The following PCLO variants were observed in gnomAD, a reference collection of about 807,000 sequenced individuals.
PCLO encodes the protein protein piccolo.
A neutral mutation model predicts 427.5 loss-of-function variants in PCLO; 82 were observed. The observed-to-expected ratio is 0.19, with a 90% CI of 0.16 to 0.23. The LOEUF (loss-of-function observed/expected upper bound fraction) is 0.23, where lower values mean the gene tolerates loss of function less well. Ranked by LOEUF, PCLO falls within the 10% of genes least tolerant of loss-of-function variation. The probability of loss-of-function intolerance (pLI) is 1.00; values close to 1 mark genes in which losing one functional copy is unlikely to be tolerated. For synonymous variants in PCLO, 2,357 were observed against 2,155.4 expected (o/e 1.09, Z -2.59); for missense variants, 6,239 against 6,115.9 (o/e 1.02, Z -0.67).
intron 7 of PCLO, among the ~76,000 whole-genome samples, chr7:82,912,553 T>C (rs1172396833): frequency 6.6e-6 from 1 of 152,016 alleles, no homozygotes; most frequent in Non-Finnish European, 1.5e-5. Flanking sequence ...TCTGCTTAAT[T>C]TTAAAATATA....
At chr7:82,890,779 T>C (rs1399217826) in intron 9 of PCLO, among the ~76,000 whole-genome samples, 2 of 151,934 alleles carry the variant, frequency 1.3e-5, no homozygotes, top group African/African-American at 4.8e-5. Context: ...TATTTTAGGC[T>C]TGTAGATTTT....
intron 3 of PCLO, among the ~76,000 whole-genome samples, chr7:83,103,804 T>C (rs1038298463): frequency 3.9e-5 from 6 of 151,986 alleles, no homozygotes; most frequent in African/African-American, 1.2e-4. Context: ...CATTATTTAT[T>C]ATGTAGTTAC....
At chr7:82,852,428 A>G (rs1311964162) in intron 10 of PCLO, among the ~76,000 whole-genome samples, 6 of 152,260 alleles carry the variant, frequency 3.9e-5, no homozygotes, top group South Asian at 2.1e-4. Context: ...AAGAAGCTGG[A>G]AAGAGCCGAC....
chr7:82,758,443 A>G lies in PCLO; in HGVS notation c.*132T>C. The G allele has an allele frequency of 1.6e-6, 1 of 638,960 alleles. No individual in the cohort carries two copies. The highest frequency in any genetic ancestry group is 2.6e-6 in the Non-Finnish European group (1 of 380,972). 39.6% of individuals were successfully genotyped at this position (638,960 alleles called of 1,614,324 possible). A position where few individuals can be genotyped will look rare whatever the true frequency, so the allele number is the denominator to read the frequency against. Reference sequence around the variant, plus strand: ...ACAACAATAAATGTACAAGGTCTTAAGTATGTTTTTGCTTGTTGTTCCCAC... The same window carrying G: ...ACAACAATAAATGTACAAGGTCTTAGGTATGTTTTTGCTTGTTGTTCCCAC... On this transcript the variant is annotated 3_prime_UTR_variant, in exon 25 of 25. Transcript: ENST00000333891.
At chr7:83,112,338 G>T (rs1562969603) in intron 3 of PCLO, among the ~76,000 whole-genome samples, 1 of 152,160 alleles carries the variant, frequency 6.6e-6, no homozygotes, top group African/African-American at 2.4e-5. Context: ...TTACAGGCGT[G>T]AGCCACTGCG....
chr7:82,972,986 G>C (rs377379533), intron 3 of PCLO, among the ~76,000 whole-genome samples: 1 of 151,812 alleles, frequency 6.6e-6, no homozygotes, highest in African/African-American at 2.4e-5. Flanking sequence ...TCAGATCCAC[G>C]CATTTTTACA....
intron 3 of PCLO, among the ~76,000 whole-genome samples, chr7:83,057,333 TATATATATATATA>T: frequency 1.0e-4 from 2 of 19,986 alleles, no homozygotes; most frequent in Non-Finnish European, 2.2e-4. Flanking sequence ...TATATATATA[TATATATATATATA>T]TATTTTTTTT....
At chr7:83,045,353 T>C (rs1183989730) in intron 3 of PCLO, among the ~76,000 whole-genome samples, 3 of 152,154 alleles carry the variant, frequency 2.0e-5, no homozygotes, top group Non-Finnish European at 4.4e-5. Context: ...TGCAATGCTA[T>C]TGCCTGAAAT....
chr7:83,087,221 TAAAAA>T (rs34272716), intron 3 of PCLO, among the ~76,000 whole-genome samples: 1 of 146,104 alleles, frequency 6.8e-6, no homozygotes, highest in African/African-American at 2.5e-5. Context: ...TAAAGCATAA[TAAAAA>T]AAAAAAAAGT....
At chr7:83,146,003 T>C (rs1791985348) in intron 2 of PCLO, among the ~76,000 whole-genome samples, 1 of 152,170 alleles carries the variant, frequency 6.6e-6, no homozygotes, top group Admixed American at 6.5e-5. Context: ...ATTTTCTTAA[T>C]CTCTTTACCC....
chr7:83,067,515 C>T (rs1299267988), intron 3 of PCLO, among the ~76,000 whole-genome samples: 2 of 151,962 alleles, frequency 1.3e-5, no homozygotes, highest in Non-Finnish European at 2.9e-5. Context: ...ACAAAGAGTA[C>T]AGTAGCAAGA....
chr7:83,046,334 T>C (rs1789103159), intron 3 of PCLO, among the ~76,000 whole-genome samples: 1 of 152,108 alleles, frequency 6.6e-6, no homozygotes, highest in South Asian at 2.1e-4. Context: ...TGGCAAGTCC[T>C]AAAATGAATA....
intron 16 of PCLO, 43 bp downstream of exon 16, chr7:82,835,624 G>A (rs2115742431): frequency 2.6e-6 from 4 of 1,551,340 alleles, no homozygotes; most frequent in Non-Finnish European, 3.5e-6. Flanking sequence ...TATAATTCAA[G>A]ACATAGCAGC....
intron 3 of PCLO, among the ~76,000 whole-genome samples, chr7:83,104,131 T>TTATTA (rs1314452923): frequency 9.2e-6 from 1 of 108,968 alleles, no homozygotes; most frequent in African/African-American, 3.5e-5. Context: ...GAACAACATT[T>TTATTA]TCTTAATTTA....
At chr7:82,946,981 T>G (rs1341083184) in intron 6 of PCLO, among the ~76,000 whole-genome samples, 2 of 152,196 alleles carry the variant, frequency 1.3e-5, no homozygotes, top group Admixed American at 6.5e-5. Context: ...CCAAACTTTG[T>G]AAGGCAGCAG....
intron 3 of PCLO, among the ~76,000 whole-genome samples, chr7:82,998,691 A>G (rs747020069): frequency 8.6e-5 from 13 of 151,950 alleles, no homozygotes; most frequent in Non-Finnish European, 1.9e-4. Context: ...TCTCTGCCCC[A>G]CACCTTACCA....
At position 82,954,801 on chromosome 7, in the gene PCLO, G is replaced by C. The variant is rs1795466806; in HGVS notation, c.6152C>G (p.Ser2051Cys). Residue 2051 changes from serine to cysteine, a missense_variant, in exon 5 of 25, where the codon TCT becomes TGT. Coordinates refer to ENST00000333891, the MANE Select transcript of PCLO (RefSeq NM_033026.6). Reference protein sequence around the residue: ...EIVDLGTMVTSTEEERKLLDA... With the variant: ...EIVDLGTMVTCTEEERKLLDA... ...TAGTAGTTTCCTTTCTTCTTCTGTAGAAGTTACCATAGTACCCAGGTCCAC... is the reference window on the plus strand; with the variant it reads ...TAGTAGTTTCCTTTCTTCTTCTGTACAAGTTACCATAGTACCCAGGTCCAC... 3 of 1,613,656 alleles carry C rather than the reference G, an allele frequency of 1.9e-6. No individual in the cohort carries two copies. Among genetic ancestry groups the C allele is most frequent in the Non-Finnish European group, 1.7e-6 (2 of 1,179,822 alleles).
intron 3 of PCLO, among the ~76,000 whole-genome samples, chr7:83,045,412 T>C (rs1188835086): frequency 4.6e-5 from 7 of 152,178 alleles, no homozygotes; most frequent in African/African-American, 1.7e-4. Flanking sequence ...TCATTCTTTA[T>C]GACCCAGCTA....
At chr7:83,076,416 C>A (rs1789953369) in intron 3 of PCLO, among the ~76,000 whole-genome samples, 1 of 151,940 alleles carries the variant, frequency 6.6e-6, no homozygotes, top group Non-Finnish European at 1.5e-5. Context: ...GTGCCTGCCA[C>A]CACACCCAGC....
Sources: allele counts gnomAD v4.1 joint callset (sites outside exome capture counted in the v4.1 genomes callset), GRCh38; gene constraint gnomAD v4.1.1; transcripts MANE v1.5; gene names NCBI Gene and HGNC (gene_info 2026-07-23, HGNC 2026-07-21).